ENDOV: variants seen among roughly 807,000 people sequenced by gnomAD.
ENDOV encodes the protein endonuclease V, also known as hEndoV.
Under a neutral mutation model 39.4 loss-of-function variants are expected in ENDOV, and 37 were observed. That is an observed-to-expected ratio of 0.94 (90% CI 0.72 to 1.23). The LOEUF (loss-of-function observed/expected upper bound fraction) is 1.23, where lower values mean the gene tolerates loss of function less well. Ranked by LOEUF, ENDOV falls within the 50% of genes most tolerant of loss-of-function variation. The pLI, the probability that ENDOV is intolerant of heterozygous loss-of-function variation, is 0.00. For missense variants in ENDOV, 441 were observed against 375.7 expected (o/e 1.17, Z -1.44); for synonymous variants, 186 against 163.4 (o/e 1.14, Z -1.05).
intron 4 of ENDOV, among the ~76,000 whole-genome samples, chr17:80,422,685 G>A (rs117647247): frequency 6.6e-6 from 1 of 152,330 alleles, no homozygotes; most frequent in East Asian, 1.9e-4. Flanking sequence ...GGCCTAGGGA[G>A]CGTGGCTGAG....
chr17:80,428,542 G>A, intron 7 of ENDOV, 54 bp from the exon 8 acceptor site: 1 of 1,526,794 alleles, frequency 6.5e-7, no homozygotes, highest in Non-Finnish European at 8.9e-7. Flanking sequence ...GCTCCTGGTG[G>A]GAAACTGGTC....
intron 2 of ENDOV, chr17:80,417,254 A>G (rs2144804509): frequency 1.3e-5 from 2 of 152,334 alleles, no homozygotes; most frequent in East Asian, 1.9e-4. Context: ...CGTGTTTGCT[A>G]CGCTGTATTT....
chr17:80,419,104 C>T (rs964776207), intron 2 of ENDOV, among the ~76,000 whole-genome samples: 10 of 144,438 alleles, frequency 6.9e-5, no homozygotes, highest in African/African-American at 2.6e-4. Flanking sequence ...ACCTGGGAGG[C>T]GGAGCTTGCA....
rs1178275865 is a variant in ENDOV, at chr17:80,436,367, G to GT, written c.*227dup. On this transcript the variant is annotated 3_prime_UTR_variant, in exon 10 of 10. Transcript: ENST00000518137. ...GTCTTGTTCCTGATCTTAAGGGAAC[G>GT]TTTGCAGTCTTTCACCACTAGATGT... 1 of 1,484,556 alleles carries GT rather than the reference G, an allele frequency of 6.7e-7. No homozygotes were observed. The highest frequency in any genetic ancestry group is 1.4e-5 in the African/African-American group (1 of 72,466). 92.0% of individuals were successfully genotyped at this position (1,484,556 alleles called of 1,614,324 possible).
At chr17:80,417,465 C>T (rs1319705240) in intron 2 of ENDOV, 1 of 152,228 alleles carries the variant, frequency 6.6e-6, no homozygotes, top group Admixed American at 6.5e-5. Context: ...GGGTGGCCTA[C>T]CCACAGCAGG....
chr17:80,424,505 C>T (rs886927066), intron 5 of ENDOV, among the ~76,000 whole-genome samples: 4 of 152,242 alleles, frequency 2.6e-5, no homozygotes, highest in Admixed American at 2.6e-4. Context: ...CAGGTTTGAA[C>T]AGGGTCTTGT....
At chr17:80,425,445 T>C in intron 6 of ENDOV, 47 bp from the exon 7 acceptor site, 1 of 1,559,428 alleles carries the variant, frequency 6.4e-7, no homozygotes, top group Non-Finnish European at 8.6e-7. Context: ...CTGACCCTGG[T>C]CCCGGTGGCC....
intron 2 of ENDOV, among the ~76,000 whole-genome samples, chr17:80,421,277 T>A (rs529441744): frequency 3.8e-5 from 2 of 52,102 alleles, no homozygotes; most frequent in South Asian, 1.1e-3. Context: ...GGAATCTTCC[T>A]ATGGACCGGG....
chr17:80,416,238 A>T (rs1413837143), intron 2 of ENDOV: 3 of 16,548 alleles, frequency 1.8e-4, no homozygotes, highest in Non-Finnish European at 4.1e-4. Context: ...ACTCCATCTC[A>T]AAAAAAAAAA....
At chr17:80,433,879 A>G (rs1271505237) in intron 9 of ENDOV, among the ~76,000 whole-genome samples, 1 of 152,208 alleles carries the variant, frequency 6.6e-6, no homozygotes, top group Non-Finnish European at 1.5e-5. Flanking sequence ...GAGCCTGGAG[A>G]TAAGTTTGCA....
chr17:80,421,957 C>T lies in ENDOV; in HGVS notation c.358C>T (p.Pro120Ser). The stretch of plus-strand genomic sequence containing the variant: ...GCGGGAGAAGGAGCCGGGCCTCATG[C>T]CCCAGGCAGGTGTCTCATCCCTAGG... ...QLREKEPGLM[P>S]QVLLVDGNGV... Residue 120 changes from proline (P) to serine (S), a missense_variant, in exon 3 of 10, where the codon CCC becomes TCC. Transcript: ENST00000518137. 1.9e-6 allele frequency: 3 copies of T among 1,608,364 alleles called. No homozygotes were observed. The highest frequency in any genetic ancestry group is 1.7e-6 in the Non-Finnish European group (2 of 1,179,556).
At chr17:80,428,250 A>G (rs562318212) in intron 7 of ENDOV, among the ~76,000 whole-genome samples, 1 of 152,356 alleles carries the variant, frequency 6.6e-6, no homozygotes, top group African/African-American at 2.4e-5. Flanking sequence ...ACAGGGAAGC[A>G]CAGACTGGAA....
In ENDOV at chr17:80,421,824, T is replaced by A; in HGVS notation, c.229-4T>A. On this transcript the variant is annotated splice_region_variant and splice_polypyrimidine_tract_variant and intron_variant, in intron 2 of 9. Coordinates refer to ENST00000518137, the MANE Select transcript of ENDOV (RefSeq NM_173627.5). ...TTCCCACTGAGCTGCGTGCCTGGTG[T>A]CAGGTGGTGTATGAGGAGAGCCGCA... 1 of 1,593,756 alleles carries A rather than the reference T, an allele frequency of 6.3e-7. No individual in the cohort carries two copies. The highest frequency in any genetic ancestry group is 8.5e-7 in the Non-Finnish European group (1 of 1,170,776).
intron 2 of ENDOV, 146 bp downstream of exon 2, chr17:80,415,967 G>C: frequency 9.6e-7 from 1 of 1,043,894 alleles, no homozygotes. Context: ...GCCGGGCGCG[G>C]TGGCTCACGC....
intron 1 of ENDOV, 83 bp downstream of exon 1, chr17:80,415,333 G>T: frequency 6.6e-7 from 1 of 1,518,322 alleles, no homozygotes; most frequent in Non-Finnish European, 9.0e-7. Context: ...TAGTCTTCAG[G>T]CTGTGGAATC....
chr17:80,416,409 A>T (rs1292145511), intron 2 of ENDOV, among the ~76,000 whole-genome samples: 1 of 152,076 alleles, frequency 6.6e-6, no homozygotes, highest in African/African-American at 2.4e-5. Context: ...CCAGTTGCCC[A>T]AGCTGGAGAT....
At chr17:80,419,395 G>T in intron 2 of ENDOV, 1 of 571,306 alleles carries the variant, frequency 1.8e-6, no homozygotes. Context: ...CAGATGCTGA[G>T]CCATGGCTGG....
chr17:80,431,742 C>T (rs1311106487), intron 9 of ENDOV, among the ~76,000 whole-genome samples: 1 of 152,214 alleles, frequency 6.6e-6, no homozygotes, highest in Admixed American at 6.5e-5. Flanking sequence ...GCTCCCCTCA[C>T]CGTGGCAGAG....
At chr17:80,433,773 A>G (rs1029459511) in intron 9 of ENDOV, among the ~76,000 whole-genome samples, 5 of 152,190 alleles carry the variant, frequency 3.3e-5, no homozygotes, top group Admixed American at 6.5e-5. Flanking sequence ...CTCAAGGACC[A>G]TGGGTGTCAG....
Sources: allele counts gnomAD v4.1 joint callset (sites outside exome capture counted in the v4.1 genomes callset), GRCh38; gene constraint gnomAD v4.1.1; transcripts MANE v1.5; gene names NCBI Gene and HGNC (gene_info 2026-07-23, HGNC 2026-07-21).